GRM8: variants seen among roughly 807,000 people sequenced by gnomAD.
GRM8 encodes the protein glutamate metabotropic receptor 8.
In GRM8, 47 loss-of-function variants were observed where a neutral mutation model predicts 87.2. That is an observed-to-expected ratio of 0.54 (90% CI 0.43 to 0.69). The LOEUF is 0.69. GRM8 is among the 30% of genes least tolerant of loss of function. The pLI is 0.00. For missense variants in GRM8, 1,019 were observed against 1,139.2 expected (o/e 0.89, Z 1.52); for synonymous variants, 396 against 404.5 (o/e 0.98, Z 0.25).
At chr7:126,683,265 G>T (rs935190798) in intron 7 of GRM8, among the ~76,000 whole-genome samples, 2 of 152,174 alleles carry the variant, frequency 1.3e-5, no homozygotes, top group African/African-American at 4.8e-5. Context: ...CCCAGGCAAG[G>T]CCTTAGTTTA....
At chr7:126,465,846 G>A (rs73722618) in intron 9 of GRM8, among the ~76,000 whole-genome samples, 1 of 151,688 alleles carries the variant, frequency 6.6e-6, no homozygotes, top group Non-Finnish European at 1.5e-5. Context: ...TTGAATAACA[G>A]AAATTATTTT....
chr7:127,098,550 C>T (rs912678715), intron 3 of GRM8, among the ~76,000 whole-genome samples: 3 of 151,940 alleles, frequency 2.0e-5, no homozygotes, highest in African/African-American at 7.3e-5. Context: ...AGGGATGAAA[C>T]TTTCCTTACC....
chr7:127,028,981 A>G (rs1040251651), intron 3 of GRM8, among the ~76,000 whole-genome samples: 1 of 152,166 alleles, frequency 6.6e-6, no homozygotes, highest in Non-Finnish European at 1.5e-5. Context: ...TTAGTGCTAT[A>G]AATTTCCCTC....
chr7:126,996,653 A>G (rs1813205934), intron 3 of GRM8, among the ~76,000 whole-genome samples: 1 of 152,096 alleles, frequency 6.6e-6, no homozygotes, highest in African/African-American at 2.4e-5. Context: ...CTACAGTTAT[A>G]TCTCATAAAA....
At chr7:127,073,980 T>C (rs1163093868) in intron 3 of GRM8, among the ~76,000 whole-genome samples, 2 of 152,182 alleles carry the variant, frequency 1.3e-5, no homozygotes, top group Non-Finnish European at 2.9e-5. Flanking sequence ...CAAAGGAGTA[T>C]CCTTTCATTT....
Position 126,620,025 on chromosome 7 carries a change from C to G in GRM8, c.1358-10527G>C, listed in dbSNP as rs118150754. The stretch of plus-strand genomic sequence containing the variant: ...TTAATTTTTTAAAATGGTTTTCACA[C>G]TGGGTGCAGTGGCTCATACTTTGGG... On this transcript the variant is annotated intron_variant, in intron 7 of 10. Coordinates refer to ENST00000339582, the MANE Select transcript of GRM8 (RefSeq NM_000845.3). Among the ~76,000 whole-genome samples, 572 of 151,986 alleles carry G rather than the reference C, an allele frequency of 3.8e-3. 3 individuals carry two copies. Among genetic ancestry groups the G allele is most frequent in the Non-Finnish European group, 6.6e-3 (446 of 67,970 alleles).
intron 3 of GRM8, among the ~76,000 whole-genome samples, chr7:126,940,366 T>C (rs1806783629): frequency 6.6e-6 from 1 of 152,206 alleles, no homozygotes; most frequent in African/African-American, 2.4e-5. Flanking sequence ...TAAGCTGATT[T>C]TTCTCAGCCA....
At chr7:126,620,736 T>C (rs1302036238) in intron 7 of GRM8, among the ~76,000 whole-genome samples, 2 of 152,180 alleles carry the variant, frequency 1.3e-5, no homozygotes, top group Admixed American at 1.3e-4. Context: ...ACAATAGATG[T>C]GCAATGAACG....
chr7:126,509,535 A>G (rs1811011958), intron 9 of GRM8, among the ~76,000 whole-genome samples: 2 of 152,076 alleles, frequency 1.3e-5, no homozygotes, highest in African/African-American at 4.8e-5. Flanking sequence ...AGTAATAATA[A>G]AAGTATTATT....
chr7:126,666,166 G>C (rs1264807705), intron 7 of GRM8, among the ~76,000 whole-genome samples: 7 of 152,160 alleles, frequency 4.6e-5, no homozygotes, highest in Admixed American at 4.6e-4. Context: ...TGAGTTGAAT[G>C]GCTATTCCAA....
At chr7:126,946,256 C>T (rs565763722) in intron 3 of GRM8, among the ~76,000 whole-genome samples, 1 of 152,328 alleles carries the variant, frequency 6.6e-6, no homozygotes, top group Non-Finnish European at 1.5e-5. Flanking sequence ...AATCCCAGAA[C>T]ATTGGGAGGC....
chr7:127,021,527 G>T (rs1304367983), intron 3 of GRM8, among the ~76,000 whole-genome samples: 1 of 151,904 alleles, frequency 6.6e-6, no homozygotes, highest in Non-Finnish European at 1.5e-5. Flanking sequence ...CACTGTAGGT[G>T]GTATAAAAAG....
chr7:126,642,296 AG>A (rs1802485660), intron 7 of GRM8, among the ~76,000 whole-genome samples: 1 of 152,196 alleles, frequency 6.6e-6, no homozygotes, highest in Non-Finnish European at 1.5e-5. Flanking sequence ...ACACATCATT[AG>A]ACTTTACATT....
At chr7:127,159,559 A>G (rs1792963374) in intron 2 of GRM8, among the ~76,000 whole-genome samples, 1 of 151,982 alleles carries the variant, frequency 6.6e-6, no homozygotes, top group African/African-American at 2.4e-5. Context: ...AAAGCCATGT[A>G]AATTTCTGGG....
chr7:126,701,554 C>G (rs1395700223), intron 7 of GRM8, among the ~76,000 whole-genome samples: 1 of 152,120 alleles, frequency 6.6e-6, no homozygotes, highest in African/African-American at 2.4e-5. Flanking sequence ...CTAGTAAACT[C>G]TCCCAGTGAT....
Position 126,984,665 on chromosome 7 carries a change from T to C in GRM8, c.728-79982A>G, listed in dbSNP as rs190255993. On this transcript the variant is annotated intron_variant, in intron 3 of 10. Coordinates refer to ENST00000339582, the MANE Select transcript of GRM8 (RefSeq NM_000845.3). Reference sequence around the variant, plus strand: ...ACTACTTAATAAACTCCCCTTTATATATAGATATAAATATGTCCTATTAGT... The same window carrying C: ...ACTACTTAATAAACTCCCCTTTATACATAGATATAAATATGTCCTATTAGT... 9.9e-5 allele frequency among the ~76,000 whole-genome samples: 15 copies of C among 152,034 alleles called. 1 individual carries two copies. In the East Asian group the frequency reaches 2.9e-3, roughly 29 times the overall value.
chr7:126,650,857 T>A (rs1706327594), intron 7 of GRM8, among the ~76,000 whole-genome samples: 1 of 152,052 alleles, frequency 6.6e-6, no homozygotes, highest in Non-Finnish European at 1.5e-5. Context: ...GTGGCCATTG[T>A]GGCAGGGATG....
chr7:126,641,982 T>C (rs1389198197), intron 7 of GRM8, among the ~76,000 whole-genome samples: 2 of 152,144 alleles, frequency 1.3e-5, no homozygotes, highest in Non-Finnish European at 2.9e-5. Flanking sequence ...TAACTAGAAC[T>C]TGGGTGGGCA....
intron 7 of GRM8, among the ~76,000 whole-genome samples, chr7:126,732,774 C>T (rs1200029977): frequency 5.9e-5 from 9 of 152,080 alleles, no homozygotes. Flanking sequence ...CATTGAATCA[C>T]TGTCCTCTGT....
Sources: gnomAD v4.1 joint callset for allele counts (sites outside exome capture counted in the v4.1 genomes callset) on GRCh38, gnomAD v4.1.1 for gene constraint, MANE v1.5 for transcripts, NCBI Gene and HGNC (gene_info 2026-07-23, HGNC 2026-07-21) for gene names.